Variants in PTPRD observed in about 807,000 individuals in gnomAD.
The protein encoded by PTPRD is receptor-type tyrosine-protein phosphatase delta.
A neutral mutation model predicts 214.5 loss-of-function variants in PTPRD; 34 were observed. The ratio of observed to expected loss-of-function variants is 0.16; its 90% CI spans 0.12 to 0.21. The LOEUF is 0.21. Among genes scored for constraint, PTPRD ranks in the 10% least tolerant of loss-of-function variants. PTPRD has a pLI of 1.00. For synonymous variants in PTPRD, 1,128 were observed against 845.7 expected (o/e 1.33, Z -5.79); for missense variants, 2,545 against 2,398.7 (o/e 1.06, Z -1.27).
intron 4 of PTPRD, among the ~76,000 whole-genome samples, chr9:9,973,010 C>T (rs532790969): frequency 1.6e-4 from 24 of 152,004 alleles, no homozygotes; most frequent in African/African-American, 5.6e-4. Context: ...GCAAGCTAGC[C>T]AAAAGAGAAG....
At chr9:8,486,979 T>G (rs1048584415) in intron 27 of PTPRD, among the ~76,000 whole-genome samples, 1 of 149,986 alleles carries the variant, frequency 6.7e-6, no homozygotes, top group Non-Finnish European at 1.5e-5. Context: ...TGTGCTGCTA[T>G]GTTGCTTAAA....
chr9:9,592,552 C>T (rs1459834653), intron 7 of PTPRD, among the ~76,000 whole-genome samples: 1 of 151,930 alleles, frequency 6.6e-6, no homozygotes, highest in African/African-American at 2.4e-5. Context: ...AGGATTTGAG[C>T]ATCGAGCAAA....
intron 14 of PTPRD, among the ~76,000 whole-genome samples, chr9:8,576,800 C>T (rs1490273527): frequency 6.6e-6 from 1 of 152,220 alleles, no homozygotes; most frequent in Non-Finnish European, 1.5e-5. Context: ...CAGTGTATGC[C>T]ACCTATACCA....
chr9:9,312,257 A>G (rs1247990991), intron 9 of PTPRD, among the ~76,000 whole-genome samples: 1 of 152,198 alleles, frequency 6.6e-6, no homozygotes, highest in Non-Finnish European at 1.5e-5. Flanking sequence ...TAGAGGTAGA[A>G]TATTGAAGCA....
At chr9:10,141,778 G>C (rs2098987120) in intron 3 of PTPRD, among the ~76,000 whole-genome samples, 1 of 152,016 alleles carries the variant, frequency 6.6e-6, no homozygotes, top group Admixed American at 6.6e-5. Flanking sequence ...AACCAAAAAA[G>C]AGCCCGCATT....
intron 2 of PTPRD, among the ~76,000 whole-genome samples, chr9:10,537,068 A>C (rs1251560125): frequency 6.6e-6 from 1 of 152,140 alleles, no homozygotes; most frequent in East Asian, 1.9e-4. Context: ...TGTGGGATGA[A>C]CAGCATTTGC....
At chr9:8,321,519 ATATATAT>A (rs1828048276) in intron 44 of PTPRD, among the ~76,000 whole-genome samples, 6 of 132,472 alleles carry the variant, frequency 4.5e-5, no homozygotes, top group Admixed American at 7.5e-5. Flanking sequence ...ATATATATAT[ATATATAT>A]AAAAGGTATA....
chr9:8,560,214 A>G (rs2085619989), intron 14 of PTPRD, among the ~76,000 whole-genome samples: 1 of 152,192 alleles, frequency 6.6e-6, no homozygotes, highest in African/African-American at 2.4e-5. Flanking sequence ...CTCAATTCAA[A>G]AAATCATAAT....
intron 4 of PTPRD, among the ~76,000 whole-genome samples, chr9:9,940,073 G>C (rs1438251698): frequency 2.6e-5 from 4 of 152,162 alleles, no homozygotes; most frequent in Non-Finnish European, 5.9e-5. Flanking sequence ...ATTTATAAAA[G>C]TGTGGGCTGT....
chr9:9,089,426 T>C (rs1370100821), intron 10 of PTPRD, among the ~76,000 whole-genome samples: 1 of 152,162 alleles, frequency 6.6e-6, no homozygotes, highest in Non-Finnish European at 1.5e-5. Flanking sequence ...CTCCCCAGAT[T>C]CAGTACGAAT....
intron 8 of PTPRD, among the ~76,000 whole-genome samples, chr9:9,435,667 T>C (rs942683089): frequency 6.6e-6 from 1 of 152,192 alleles, no homozygotes; most frequent in Non-Finnish European, 1.5e-5. Context: ...GCATATATCA[T>C]ATTTATCTAT....
chr9:9,102,099 G>A (rs2099792208), intron 10 of PTPRD, among the ~76,000 whole-genome samples: 1 of 152,156 alleles, frequency 6.6e-6, no homozygotes, highest in Non-Finnish European at 1.5e-5. Flanking sequence ...TCTTTTAAAT[G>A]TAAATATTGG....
chr9:10,452,119 G>C (rs1311216684), intron 2 of PTPRD, among the ~76,000 whole-genome samples: 1 of 151,922 alleles, frequency 6.6e-6, no homozygotes, highest in Non-Finnish European at 1.5e-5. Context: ...TTGTTTTGAA[G>C]AGGTATTATC....
intron 11 of PTPRD, among the ~76,000 whole-genome samples, chr9:8,868,816 C>T (rs537942429): frequency 2.6e-5 from 4 of 152,244 alleles, no homozygotes; most frequent in African/African-American, 9.6e-5. Flanking sequence ...TATGCCCATT[C>T]ATCCCGCTGC....
chr9:8,641,703 T>C (rs1279819423), intron 12 of PTPRD, among the ~76,000 whole-genome samples: 4 of 152,186 alleles, frequency 2.6e-5, no homozygotes, highest in Non-Finnish European at 5.9e-5. Flanking sequence ...ACACAGGCCA[T>C]AGCTCCTGGA....
Position 10,100,312 on chromosome 9 carries a change from C to T in PTPRD, c.-544-66522G>A, listed in dbSNP as rs534280807. ...TATGAAGTCTAAATACCATATTATC[C>T]TCAATCTATAGAGAAAATTTAAATA... On this transcript the variant is annotated intron_variant, in intron 3 of 45. Coordinates refer to ENST00000381196, the MANE Select transcript of PTPRD (RefSeq NM_002839.4). Among the ~76,000 whole-genome samples the T allele has an allele frequency of 2.0e-5, 3 of 151,654 alleles. No individual in the cohort carries two copies. The East Asian group carries it at 5.9e-4, about 30-fold the overall frequency.
chr9:9,319,657 G>A (rs1965391786), intron 9 of PTPRD, among the ~76,000 whole-genome samples: 1 of 152,106 alleles, frequency 6.6e-6, no homozygotes, highest in Non-Finnish European at 1.5e-5. Flanking sequence ...CTTCTTAGAG[G>A]TAGCTCTTAC....
chr9:10,190,410 AAAAAAAAAAAC>A lies in PTPRD; in HGVS notation c.-545+150542_-545+150552del, dbSNP rs1284933243. Reference sequence around the variant, plus strand: ...AGAAAAAAAAAAAAAAAAAAAAAAAAAAAAAAAAAACAAAAAGTCAAAGTGGGCCAGGCGCT... The same window carrying A: ...AGAAAAAAAAAAAAAAAAAAAAAAAAAAAAAGTCAAAGTGGGCCAGGCGCT... On this transcript the variant is annotated intron_variant, in intron 3 of 45. Transcript: ENST00000381196. Among the ~76,000 whole-genome samples, 554 of 95,260 alleles carry A rather than the reference AAAAAAAAAAAC, an allele frequency of 5.8e-3. 65 individuals carry two copies. Among genetic ancestry groups the A allele is most frequent in the African/African-American group, 0.03 (526 of 17,280 alleles). 62.5% of individuals were successfully genotyped at this position (95,260 alleles called of 152,430 possible).
At chr9:8,530,293 T>A (rs1174510435) in intron 14 of PTPRD, among the ~76,000 whole-genome samples, 1 of 152,046 alleles carries the variant, frequency 6.6e-6, no homozygotes, top group Non-Finnish European at 1.5e-5. Context: ...CTCATTTTTC[T>A]CAGCCTCTTA....
Sources: allele counts gnomAD v4.1 joint callset (sites outside exome capture counted in the v4.1 genomes callset), GRCh38; gene constraint gnomAD v4.1.1; transcripts MANE v1.5; gene names NCBI Gene and HGNC (gene_info 2026-07-23, HGNC 2026-07-21).